Variants in DNAH3 observed in about 807,000 individuals in gnomAD.
The protein encoded by DNAH3 is axonemal beta dynein heavy chain 3.
In DNAH3, 332 loss-of-function variants were observed where a neutral mutation model predicts 432.5. That is an observed-to-expected ratio of 0.77 (90% CI 0.70 to 0.84). DNAH3 has a LOEUF of 0.84. Ranked by LOEUF, DNAH3 falls within the 40% of genes least tolerant of loss-of-function variation. The pLI, the probability that DNAH3 is intolerant of heterozygous loss-of-function variation, is 0.00. For synonymous variants in DNAH3, 1,956 were observed against 1,900.2 expected, an observed-to-expected ratio of 1.03 and a Z score of -0.76; for missense variants, 4,861 against 5,114.0, an observed-to-expected ratio of 0.95 and a Z score of 1.51.
chr16:20,962,986 T>C (rs2084892116), intron 53 of DNAH3, among the ~76,000 whole-genome samples: 1 of 152,120 alleles, frequency 6.6e-6, no homozygotes, highest in Non-Finnish European at 1.5e-5. Flanking sequence ...GGAAAGAACT[T>C]TGAATGAATT....
intron 19 of DNAH3, among the ~76,000 whole-genome samples, chr16:21,083,108 C>G (rs1382006690): frequency 6.6e-6 from 1 of 151,578 alleles, no homozygotes; most frequent in East Asian, 1.9e-4. Context: ...CCTCTGTCTC[C>G]TGGGTCCAAT....
In DNAH3 at chr16:20,960,767, A is replaced by C. The variant is rs562790276; in HGVS notation, c.10601-1363T>G. Reference sequence around the variant, plus strand: ...ATTTGACTACTGACCCAAGGAAAAGACATGGAAGCTCATAACTGGTCTGGA... The same window carrying C: ...ATTTGACTACTGACCCAAGGAAAAGCCATGGAAGCTCATAACTGGTCTGGA... On this transcript the variant is annotated intron_variant, in intron 53 of 61. Transcript: ENST00000261383. Among the ~76,000 whole-genome samples, 20 of 152,342 alleles carry C rather than the reference A, an allele frequency of 1.3e-4. No individual in the cohort carries two copies. In the South Asian group the frequency reaches 2.1e-3, roughly 16 times the overall value.
chr16:21,154,830 G>A (rs1008853705), intron 1 of DNAH3, among the ~76,000 whole-genome samples: 26 of 152,172 alleles, frequency 1.7e-4, no homozygotes, highest in African/African-American at 6.0e-4. Context: ...GAGAGTGAAA[G>A]TGACTTCCCC....
At chr16:20,955,889 GC>G (rs1440607719) in intron 54 of DNAH3, among the ~76,000 whole-genome samples, 1 of 151,436 alleles carries the variant, frequency 6.6e-6, no homozygotes, top group African/African-American at 2.4e-5. Context: ...TGCATCTGAG[GC>G]TCTTTTTTTT....
At chr16:21,079,020 C>T (rs2091079494) in intron 20 of DNAH3, among the ~76,000 whole-genome samples, 1 of 152,214 alleles carries the variant, frequency 6.6e-6, no homozygotes, top group South Asian at 2.1e-4. Context: ...AGCCAAGATG[C>T]TTCCACTTCT....
At chr16:21,153,580 A>G (rs78022317) in intron 1 of DNAH3, among the ~76,000 whole-genome samples, 5,731 of 152,242 alleles carry the variant, frequency 0.038, 180 homozygotes, top group East Asian at 0.18. Context: ...TACAACGTGG[A>G]AGGTTTGTTC....
At chr16:21,112,244 T>C (rs1031496988) in intron 12 of DNAH3, 146 bp from the exon 13 acceptor site, 7 of 616,046 alleles carry the variant, frequency 1.1e-5, no homozygotes, top group East Asian at 2.8e-5. Flanking sequence ...AAAAGTTTCA[T>C]TAAACAGAGA....
exon 48 of DNAH3, chr16:20,985,272 G>A: frequency 6.2e-7 from 1 of 1,614,192 alleles, no homozygotes; most frequent in Non-Finnish European, 8.5e-7. Flanking sequence ...TGTCGGCGAA[G>A]AGGAACACGG....
intron 51 of DNAH3, among the ~76,000 whole-genome samples, chr16:20,971,403 T>C (rs2085336360): frequency 6.6e-6 from 1 of 152,060 alleles, no homozygotes; most frequent in South Asian, 2.1e-4. Context: ...TTAGAGAAAA[T>C]TAGCAACTTC....
At chr16:20,985,548 G>T in exon 48 of DNAH3, 1 of 1,614,124 alleles carries the variant, frequency 6.2e-7, no homozygotes, top group Non-Finnish European at 8.5e-7. Context: ...CCTTGCTGAT[G>T]TTGTTGAATT....
At chr16:21,004,612 C>T (rs764797670) in intron 41 of DNAH3, among the ~76,000 whole-genome samples, 3 of 152,154 alleles carry the variant, frequency 2.0e-5, no homozygotes, top group Non-Finnish European at 4.4e-5. Context: ...AGGTGATCCA[C>T]CCGACTTGGC....
rs1399021918 is a variant in DNAH3 at position 20,985,448 on chromosome 16, GGA to G, written c.7292_7293del (p.Leu2431ProfsTer28). ...CGCCCGCTGCCCCCTATGCCCACCAGGAGCAGGTGGCCTTTGTCCTGCTTCAG... is the reference window on the plus strand; with the variant it reads ...CGCCCGCTGCCCCCTATGCCCACCAGGCAGGTGGCCTTTGTCCTGCTTCAG... On this transcript the variant is annotated frameshift_variant, in exon 48 of 62. Coordinates refer to ENST00000261383, the Ensembl canonical transcript of DNAH3. LOFTEE classifies it high-confidence loss of function. 6.2e-7 allele frequency: 1 copy of G among 1,614,218 alleles called. No individual in the cohort carries two copies. Among genetic ancestry groups the G allele is most frequent in the Admixed American group, 1.7e-5 (1 of 60,030 alleles).
intron 49 of DNAH3, among the ~76,000 whole-genome samples, chr16:20,981,802 C>T (rs1044250008): frequency 1.2e-4 from 18 of 151,738 alleles, no homozygotes; most frequent in Admixed American, 7.9e-4. Context: ...CTTCTAGAAA[C>T]TAAGGAAACA....
At chr16:21,069,119 T>G (rs866945855) in intron 23 of DNAH3, among the ~76,000 whole-genome samples, 82 of 151,070 alleles carry the variant, frequency 5.4e-4, no homozygotes, top group African/African-American at 1.9e-3. Flanking sequence ...GTGTGTGTGT[T>G]TTTAGTAGAG....
exon 33 of DNAH3, chr16:21,039,916 C>T: frequency 6.2e-7 from 1 of 1,613,726 alleles, no homozygotes; most frequent in South Asian, 1.1e-5. Context: ...TAATCTGGGA[C>T]CATCATGGCC....
Position 20,994,451 on chromosome 16 carries a change from T to C in DNAH3, c.6601+2832A>G, listed in dbSNP as rs193085183. Among the ~76,000 whole-genome samples the C allele has an allele frequency of 3.3e-3, 495 of 152,180 alleles. 8 individuals are homozygous for C. The highest frequency in any genetic ancestry group is 6.3e-4 in the Non-Finnish European group (43 of 67,996). On this transcript the variant is annotated intron_variant, in intron 44 of 61. Transcript: ENST00000261383. The stretch of plus-strand genomic sequence containing the variant: ...TGTCTCAAAATATAAATTAATTAAT[T>C]AAATAAAAAAATAAAAAGTTTTTAT...
intron 15 of DNAH3, 46 bp from the exon 16 acceptor site, chr16:21,104,640 T>A: frequency 1.7e-6 from 2 of 1,203,228 alleles, no homozygotes; most frequent in Non-Finnish European, 2.5e-6. Context: ...TTAGCATAGG[T>A]CGGGTCAGCA....
intron 12 of DNAH3, among the ~76,000 whole-genome samples, chr16:21,115,721 T>TAAAATAAAATA (rs61092151): frequency 7.1e-5 from 10 of 140,942 alleles, no homozygotes; most frequent in African/African-American, 2.4e-4. Flanking sequence ...AATAATAAAA[T>TAAAATAAAATA]AAATAAAATA....
intron 18 of DNAH3, among the ~76,000 whole-genome samples, chr16:21,090,415 C>A (rs2091497723): frequency 6.7e-6 from 1 of 149,888 alleles, no homozygotes; most frequent in Non-Finnish European, 1.5e-5. Flanking sequence ...CTCACAGACA[C>A]TAAAATTCTC....
Sources: allele counts gnomAD v4.1 joint callset (sites outside exome capture counted in the v4.1 genomes callset), GRCh38; gene constraint gnomAD v4.1.1; transcripts MANE v1.5; gene names NCBI Gene and HGNC (gene_info 2026-07-23, HGNC 2026-07-21).